Variants in EPS8 observed in about 807,000 individuals in gnomAD.
The protein encoded by EPS8 is epidermal growth factor receptor kinase substrate 8.
A neutral mutation model predicts 103.8 loss-of-function variants in EPS8; 42 were observed. The ratio of observed to expected loss-of-function variants is 0.40; its 90% confidence interval spans 0.32 to 0.52. The LOEUF (loss-of-function observed/expected upper bound fraction) is 0.52. Among genes scored for constraint, EPS8 ranks in the 20% least tolerant of loss-of-function variants. The pLI is 0.40. For synonymous variants in EPS8, 344 were observed against 344.6 expected, an observed-to-expected ratio of 1.00 and a Z score of 0.02; for missense variants, 969 against 1,005.1, an observed-to-expected ratio of 0.96 and a Z score of 0.49.
At chr12:15,692,982 G>A (rs986740709) in intron 1 of EPS8, among the ~76,000 whole-genome samples, 6 of 151,834 alleles carry the variant, frequency 4.0e-5, no homozygotes, top group African/African-American at 1.5e-4. Flanking sequence ...CAATTTCCTT[G>A]TTTTCGCTAG....
At chr12:15,742,025 C>T (rs1946829725) in intron 1 of EPS8, among the ~76,000 whole-genome samples, 2 of 152,152 alleles carry the variant, frequency 1.3e-5, no homozygotes, top group South Asian at 4.1e-4. Context: ...CATCCATGTC[C>T]CTACAAAGGA....
chr12:15,666,334 C>T (rs1945709256), intron 7 of EPS8, 106 bp downstream of exon 7: 1 of 804,138 alleles, frequency 1.2e-6, no homozygotes, highest in African/African-American at 1.7e-5. Context: ...ATGATCTATA[C>T]AATACAATAA....
intron 2 of EPS8, 29 bp downstream of exon 2, chr12:15,682,864 A>T (rs753002159): frequency 8.5e-7 from 1 of 1,176,022 alleles, no homozygotes; most frequent in East Asian, 2.4e-5. Context: ...TTCCCCCAAA[A>T]CATATTAAAT....
Position 15,713,124 on chromosome 12 carries a change from T to G in EPS8, c.-21-30152A>C, listed in dbSNP as rs1946489292. ...GCCTAAGATGATTTTTTTTTTAAGT[T>G]TTAAATGGTGAAAATAATACTGGCT... On this transcript the variant is annotated intron_variant, in intron 1 of 20. Transcript: ENST00000281172. The surrounding 1 kb of genome is among the most constrained non-coding windows in gnomAD (Gnocchi z 4.8). The G allele has an allele frequency of 2.8e-6, 1 of 356,282 alleles. No homozygotes were observed. Among genetic ancestry groups the G allele is most frequent in the Non-Finnish European group, 3.9e-6 (1 of 255,136 alleles). The allele number at this position is 356,282 out of a possible 1,614,324, so 22.1% of individuals were successfully genotyped here.
Position 15,734,977 on chromosome 12 carries a change from G to A in EPS8, c.-21-52005C>T, listed in dbSNP as rs1173089555. On this transcript the variant is annotated intron_variant, in intron 1 of 20. Transcript: ENST00000281172. The surrounding 1 kb of genome is among the most constrained non-coding windows in gnomAD (Gnocchi z 4.1). ...GTCAAGGAACTAGGGTCACAACACT[G>A]AAGGGCATCTGTAGCACAGCCCAGG... 6.6e-6 allele frequency among the ~76,000 whole-genome samples: 1 copy of A among 152,146 alleles called. No individual in the cohort carries two copies. The highest frequency in any genetic ancestry group is 1.5e-5 in the Non-Finnish European group (1 of 68,030).
In EPS8 at chr12:15,725,417, A is replaced by G. The variant is rs996552317; in HGVS notation, c.-21-42445T>C. On this transcript the variant is annotated intron_variant, in intron 1 of 20. Transcript: ENST00000281172. The surrounding 1 kb of genome is among the most constrained non-coding windows in gnomAD (Gnocchi z 4.5). The stretch of plus-strand genomic sequence containing the variant: ...AGCAGAAGAATTGAACAGGAATTCA[A>G]ATCCAGCCTGGGCAATATAGTGATA... Among the ~76,000 whole-genome samples, 11 of 151,870 alleles carry G rather than the reference A, an allele frequency of 7.2e-5. No homozygotes were observed. Among genetic ancestry groups the G allele is most frequent in the Admixed American group, 6.6e-4 (10 of 15,238 alleles).
intron 11 of EPS8, 67 bp from the exon 12 acceptor site, chr12:15,658,220 A>G: frequency 9.4e-7 from 1 of 1,062,608 alleles, no homozygotes; most frequent in Non-Finnish European, 1.4e-6. Context: ...AAGGTCCAAC[A>G]TAGACACAGA....
At chr12:15,754,084 A>G (rs1317152066) in intron 1 of EPS8, among the ~76,000 whole-genome samples, 2 of 152,208 alleles carry the variant, frequency 1.3e-5, no homozygotes, top group Admixed American at 6.5e-5. Flanking sequence ...CCAACTGGGC[A>G]TCAGCTTTAT....
chr12:15,751,239 T>C lies in EPS8; in HGVS notation c.-22+37922A>G, dbSNP rs1413743206. Among the ~76,000 whole-genome samples the C allele has an allele frequency of 1.3e-5, 2 of 152,060 alleles. No individual in the cohort carries two copies. The highest frequency in any genetic ancestry group is 2.4e-5 in the African/African-American group (1 of 41,366). Reference sequence around the variant, plus strand: ...CACACGTAGTGGTGTGTGCCTGTAATCCCAGCTACTAGCAAGGCTGAGGCA... The same window carrying C: ...CACACGTAGTGGTGTGTGCCTGTAACCCCAGCTACTAGCAAGGCTGAGGCA... On this transcript the variant is annotated intron_variant, in intron 1 of 20. Coordinates refer to ENST00000281172, the MANE Select transcript of EPS8 (RefSeq NM_004447.6). The surrounding 1 kb of genome is among the most constrained non-coding windows in gnomAD (Gnocchi z 4.3).
chr12:15,655,617 T>C (rs1179492991), intron 12 of EPS8, among the ~76,000 whole-genome samples: 1 of 152,002 alleles, frequency 6.6e-6, no homozygotes, highest in Non-Finnish European at 1.5e-5. Flanking sequence ...TTCCAATAAA[T>C]ATGTAGCAAT....
At chr12:15,783,124 T>C (rs1947276714) in intron 1 of EPS8, among the ~76,000 whole-genome samples, 1 of 152,100 alleles carries the variant, frequency 6.6e-6, no homozygotes, top group Non-Finnish European at 1.5e-5. Context: ...GCAGCTGCAG[T>C]TCCCAGCCCT....
chr12:15,669,312 T>A, intron 6 of EPS8, 75 bp downstream of exon 6: 1 of 1,363,924 alleles, frequency 7.3e-7, no homozygotes, highest in Non-Finnish European at 1.0e-6. Flanking sequence ...TGCAGATATA[T>A]TATCAAAATA....
At chr12:15,750,295 C>A (rs999796207) in intron 1 of EPS8, among the ~76,000 whole-genome samples, 1 of 152,160 alleles carries the variant, frequency 6.6e-6, no homozygotes, top group Non-Finnish European at 1.5e-5. Flanking sequence ...CAAAAAAATT[C>A]TCCTATTTAC....
rs924381614 is a variant in EPS8, at chr12:15,716,645, T to C, written c.-21-33673A>G. ...TGGAAATTGCACACACACACATCTT[T>C]ACTGGTAACCTTGCCCTACATTCCC... On this transcript the variant is annotated intron_variant, in intron 1 of 20. Coordinates refer to ENST00000281172, the MANE Select transcript of EPS8 (RefSeq NM_004447.6). This position sits in a 1 kb window ranked among gnomAD's most constrained non-coding sequence, Gnocchi z 5.0. Among the ~76,000 whole-genome samples, 1 of 152,206 alleles carries C rather than the reference T, an allele frequency of 6.6e-6. No individual in the cohort carries two copies. Among genetic ancestry groups the C allele is most frequent in the African/African-American group, 2.4e-5 (1 of 41,446 alleles).
chr12:15,683,239 C>A (rs953219622), intron 1 of EPS8: 6 of 231,346 alleles, frequency 2.6e-5, no homozygotes, highest in African/African-American at 6.9e-5. Flanking sequence ...GTTCTGAGTT[C>A]TCAAAGCATA....
intron 17 of EPS8, among the ~76,000 whole-genome samples, chr12:15,638,810 A>C (rs1284827566): frequency 6.6e-6 from 1 of 152,204 alleles, no homozygotes; most frequent in East Asian, 1.9e-4. Context: ...CCTGCGTATG[A>C]TATATATTAA....
rs529272191 is a variant in EPS8, at chr12:15,690,156, G to C, written c.-21-7184C>G. On this transcript the variant is annotated intron_variant, in intron 1 of 20. Transcript: ENST00000281172. The surrounding 1 kb of genome is among the most constrained non-coding windows in gnomAD (Gnocchi z 4.7). ...ACTGCAGGTGACTCACTGCATTTCC[G>C]TATAGCTCCTTAAGAGGATCAATCT... is the stretch of plus-strand genomic sequence containing the variant. Among the ~76,000 whole-genome samples, 1 of 152,204 alleles carries C rather than the reference G, an allele frequency of 6.6e-6. No individual in the cohort carries two copies. The highest frequency in any genetic ancestry group is 1.5e-5 in the Non-Finnish European group (1 of 68,020).
Position 15,710,636 on chromosome 12 carries a change from C to T in EPS8, c.-21-27664G>A, listed in dbSNP as rs953802827. ...TGTATAAAAATGCCACAAATTTAAC[C>T]GACGTATAATTTCTTCATGTAGCTG... On this transcript the variant is annotated intron_variant, in intron 1 of 20. Coordinates refer to ENST00000281172, the MANE Select transcript of EPS8 (RefSeq NM_004447.6). 4.6e-5 allele frequency among the ~76,000 whole-genome samples: 7 copies of T among 151,978 alleles called. 1 individual carries two copies. Among genetic ancestry groups the T allele is most frequent in the Non-Finnish European group, 5.9e-5 (4 of 67,986 alleles).
Position 15,624,563 on chromosome 12 carries a change from C to A in EPS8, c.2045-156G>T, listed in dbSNP as rs565478034. 8.9e-4 allele frequency among the ~76,000 whole-genome samples: 135 copies of A among 152,292 alleles called. No homozygotes were observed. In the Middle Eastern group the frequency reaches 0.027, roughly 31 times the overall value. ...CTTTTATCCTCGCCTGGTATAAATGCCATGATCAATTATTAAAATAACTCC... is the reference window on the plus strand; with the variant it reads ...CTTTTATCCTCGCCTGGTATAAATGACATGATCAATTATTAAAATAACTCC... On this transcript the variant is annotated intron_variant, in intron 18 of 20. Coordinates refer to ENST00000281172, the MANE Select transcript of EPS8 (RefSeq NM_004447.6).
Sources: allele counts gnomAD v4.1 joint callset (sites outside exome capture counted in the v4.1 genomes callset), GRCh38; gene constraint gnomAD v4.1.1; non-coding constraint Gnocchi (gnomAD v3.1); transcripts MANE v1.5; gene names NCBI Gene and HGNC (gene_info 2026-07-23, HGNC 2026-07-21).